The following NPAS3 variants were observed in gnomAD, a reference collection of about 807,000 sequenced individuals.
NPAS3 encodes neuronal PAS domain-containing protein 3.
NPAS3 carries 14 observed loss-of-function variants against 73.1 expected under a neutral mutation model. The ratio of observed to expected loss-of-function variants is 0.19; its 90% confidence interval spans 0.13 to 0.30. The LOEUF (loss-of-function observed/expected upper bound fraction) is 0.30, where lower values mean the gene tolerates loss of function less well. Among genes scored for constraint, NPAS3 ranks in the 10% least tolerant of loss-of-function variants. NPAS3 has a pLI of 1.00. For missense variants in NPAS3, 1,096 were observed against 1,250.0 expected (o/e 0.88, Z 1.86); for synonymous variants, 620 against 541.5 (o/e 1.14, Z -2.01).
At chr14:33,398,817 G>A (rs1015195827) in intron 4 of NPAS3, among the ~76,000 whole-genome samples, 4 of 152,030 alleles carry the variant, frequency 2.6e-5, no homozygotes, top group African/African-American at 9.7e-5. Context: ...AGTTGGTTTT[G>A]AATTACCAAA....
At chr14:33,225,068 A>G (rs1009728409) in intron 3 of NPAS3, among the ~76,000 whole-genome samples, 3 of 152,200 alleles carry the variant, frequency 2.0e-5, no homozygotes, top group Non-Finnish European at 4.4e-5. Flanking sequence ...CTGCCTTTCT[A>G]ACTGGTCAAT....
chr14:33,069,607 T>C (rs1429484972), intron 2 of NPAS3, among the ~76,000 whole-genome samples: 8 of 152,188 alleles, frequency 5.3e-5, no homozygotes, highest in Non-Finnish European at 1.2e-4. Context: ...CCTTTCTCAT[T>C]TGCGAAATGC....
chr14:33,528,605 T>TA (rs1279756964), intron 4 of NPAS3, among the ~76,000 whole-genome samples: 1 of 151,936 alleles, frequency 6.6e-6, no homozygotes, highest in East Asian at 1.9e-4. Context: ...TGTCAGCAAA[T>TA]ATGCATCTAA....
At chr14:33,570,927 TG>T (rs1226651199) in intron 5 of NPAS3, among the ~76,000 whole-genome samples, 1 of 152,166 alleles carries the variant, frequency 6.6e-6, no homozygotes, top group Non-Finnish European at 1.5e-5. Context: ...TTGAGCTGTT[TG>T]GGGGCATCAG....
At chr14:32,939,138 C>CACG (rs1390827796), upstream of NPAS3, 313 of 147,628 alleles carry the variant, frequency 2.1e-3, 1 homozygote, top group African/African-American at 6.6e-3. Flanking sequence ...CCGCCGCCGC[C>CACG]GCCACGGCCA....
At chr14:33,391,907 G>A (rs920782078) in intron 4 of NPAS3, among the ~76,000 whole-genome samples, 10 of 152,050 alleles carry the variant, frequency 6.6e-5, no homozygotes, top group African/African-American at 1.9e-4. Context: ...ATGACTAATC[G>A]AATTGCAAAT....
intron 1 of NPAS3, among the ~76,000 whole-genome samples, chr14:33,053,029 G>A (rs1248318273): frequency 6.6e-6 from 1 of 152,186 alleles, no homozygotes; most frequent in African/African-American, 2.4e-5. Flanking sequence ...CAACTGGGCT[G>A]TTCAGAGATG....
Position 33,574,599 on chromosome 14 carries a change from G to C in NPAS3, c.558+14389G>C, listed in dbSNP as rs148130216. On this transcript the variant is annotated intron_variant, in intron 5 of 11. Coordinates refer to ENST00000356141, the Ensembl canonical transcript of NPAS3. ...AGGTGAGGTGGATGGAGGGACCAAG[G>C]GGAGGGTGAAAAGTAGTTTGAGGGA... Among the ~76,000 whole-genome samples, 227 of 152,100 alleles carry C rather than the reference G, an allele frequency of 1.5e-3. 4 individuals are homozygous for C. In the East Asian group the frequency reaches 0.015, roughly 10 times the overall value.
At chr14:33,089,312 A>T (rs2042143027) in intron 2 of NPAS3, among the ~76,000 whole-genome samples, 1 of 152,244 alleles carries the variant, frequency 6.6e-6, no homozygotes, top group African/African-American at 2.4e-5. Context: ...AAGTGACCTG[A>T]TGGAGCTGAA....
chr14:33,257,233 A>G (rs2048812477), intron 3 of NPAS3, among the ~76,000 whole-genome samples: 1 of 152,050 alleles, frequency 6.6e-6, no homozygotes, highest in African/African-American at 2.4e-5. Context: ...TCCTGCTTGC[A>G]TGTCTGTGGG....
At chr14:33,499,944 T>C (rs1218678966) in intron 4 of NPAS3, among the ~76,000 whole-genome samples, 1 of 152,014 alleles carries the variant, frequency 6.6e-6, no homozygotes, top group Non-Finnish European at 1.5e-5. Flanking sequence ...CTTTGTTTTG[T>C]TTCTGTCTTG....
chr14:33,019,267 T>C (rs1439246744), intron 1 of NPAS3, among the ~76,000 whole-genome samples: 1 of 152,234 alleles, frequency 6.6e-6, no homozygotes, highest in Non-Finnish European at 1.5e-5. Context: ...AGCATTTTAA[T>C]TAGTGATTCA....
intron 5 of NPAS3, among the ~76,000 whole-genome samples, chr14:33,563,370 T>A (rs1388689648): frequency 6.6e-6 from 1 of 152,030 alleles, no homozygotes; most frequent in Non-Finnish European, 1.5e-5. Flanking sequence ...CTCCCTTGGG[T>A]GGGACAGCTC....
intron 3 of NPAS3, among the ~76,000 whole-genome samples, chr14:33,282,448 T>G (rs954110943): frequency 6.6e-6 from 1 of 152,182 alleles, no homozygotes; most frequent in East Asian, 1.9e-4. Context: ...TGGAATTGCA[T>G]GGTGAAATTA....
intron 1 of NPAS3, among the ~76,000 whole-genome samples, chr14:32,945,765 A>G (rs2036224405): frequency 6.6e-6 from 1 of 152,210 alleles, no homozygotes; most frequent in African/African-American, 2.4e-5. Context: ...TGTTTATGAA[A>G]TTAGAGAAAG....
At chr14:33,627,749 C>T (rs1024428679) in intron 5 of NPAS3, among the ~76,000 whole-genome samples, 1 of 152,162 alleles carries the variant, frequency 6.6e-6, no homozygotes, top group African/African-American at 2.4e-5. Context: ...CACATCTGTG[C>T]CTATGTTCCA....
chr14:33,473,410 G>C (rs1343894016), intron 4 of NPAS3, among the ~76,000 whole-genome samples: 1 of 152,172 alleles, frequency 6.6e-6, no homozygotes, highest in Non-Finnish European at 1.5e-5. Context: ...TTAGCTTTCA[G>C]AGAATGCGGA....
chr14:33,621,886 T>TA (rs2058085585), intron 5 of NPAS3, among the ~76,000 whole-genome samples: 1 of 152,122 alleles, frequency 6.6e-6, no homozygotes, highest in African/African-American at 2.4e-5. Context: ...AAAGACACAG[T>TA]ACAAAATGCC....
At chr14:32,939,285 A>T (rs1414922356), upstream of NPAS3, 1 of 665,034 alleles carries the variant, frequency 1.5e-6, no homozygotes, top group Non-Finnish European at 2.7e-6. Flanking sequence ...GAGAGAGGCA[A>T]AAAGTAAGAG....
Sources: gnomAD v4.1 joint callset for allele counts (sites outside exome capture counted in the v4.1 genomes callset) on GRCh38, gnomAD v4.1.1 for gene constraint, MANE v1.5 for transcripts, NCBI Gene and HGNC (gene_info 2026-07-23, HGNC 2026-07-21) for gene names.